Variants in WNT9A observed in about 807,000 individuals in gnomAD.
WNT9A encodes the protein protein Wnt-9a.
Under a neutral mutation model 31.4 loss-of-function variants are expected in WNT9A, and 8 were observed. The observed-to-expected ratio is 0.26, with a 90% CI of 0.15 to 0.46. The LOEUF (loss-of-function observed/expected upper bound fraction) is 0.46, where lower values mean the gene tolerates loss of function less well. Among genes scored for constraint, WNT9A ranks in the 20% least tolerant of loss-of-function variants. The pLI is 0.99. For synonymous variants in WNT9A, 236 were observed against 220.1 expected, an observed-to-expected ratio of 1.07 and a Z score of -0.64; for missense variants, 457 against 522.9, an observed-to-expected ratio of 0.87 and a Z score of 1.23.
chr1:227,921,775 C>T lies in WNT9A; in HGVS notation c.841G>A (p.Asp281Asn), dbSNP rs779996471. ...AGCTCTGGAGTGCGGGGCAGCGGGT[C>T]GCTGCCACCTGCCCCCGAGGCACGG... ...RGRASGAGGS[D>N]PLPRTPELVH... Residue 281 changes from aspartate (D) to asparagine (N), a missense_variant, in exon 4 of 4, where the codon GAC becomes AAC. Coordinates refer to ENST00000272164, the MANE Select transcript of WNT9A (RefSeq NM_003395.4). 1.9e-5 allele frequency: 31 copies of T among 1,612,320 alleles called. No homozygotes were observed. The East Asian group carries it at 2.5e-4, about 13-fold the overall frequency.
chr1:227,936,381 G>A (rs533270162), intron 1 of WNT9A, among the ~76,000 whole-genome samples: 4 of 152,144 alleles, frequency 2.6e-5, no homozygotes, highest in East Asian at 1.9e-4. Flanking sequence ...TAGTAGAGAC[G>A]GGGTTTTGCC....
intron 1 of WNT9A, among the ~76,000 whole-genome samples, chr1:227,935,992 T>C (rs547138350): frequency 1.2e-3 from 189 of 152,180 alleles, no homozygotes; most frequent in Non-Finnish European, 2.3e-3. Flanking sequence ...GACACTGTTT[T>C]ATCAGTCAGC....
In WNT9A at chr1:227,925,354, G is replaced by A; in HGVS notation, c.261C>T (p.Ser87=). Reference sequence around the variant, plus strand: ...GGAACTGGCACTCGAGCGCACTCATGCTCACGGCCTCCACCAGCGTCTCTG... The same window carrying A: ...GGAACTGGCACTCGAGCGCACTCATACTCACGGCCTCCACCAGCGTCTCTG... ...GVAETLVEAV[S]MSALECQFQF... Residue 87 remains serine (S), a synonymous_variant, in exon 2 of 4, where the codon AGC becomes AGT. Coordinates refer to ENST00000272164, the MANE Select transcript of WNT9A (RefSeq NM_003395.4). The surrounding 1 kb of genome is among the most constrained non-coding windows in gnomAD (Gnocchi z 6.0). 6.2e-7 allele frequency: 1 copy of A among 1,611,188 alleles called. No individual in the cohort carries two copies. The highest frequency in any genetic ancestry group is 1.3e-5 in the African/African-American group (1 of 75,020).
intron 3 of WNT9A, among the ~76,000 whole-genome samples, chr1:227,922,903 C>T (rs1053207070): frequency 5.9e-5 from 9 of 152,184 alleles, no homozygotes; most frequent in South Asian, 2.1e-4. Context: ...GCCCGGCAAC[C>T]GAAGAGTCAC....
Position 227,925,360 on chromosome 1 carries a change from G to C in WNT9A, c.255C>G (p.Ala85=). The C allele has an allele frequency of 6.2e-7, 1 of 1,611,262 alleles. No individual in the cohort carries two copies. Reference sequence around the variant, plus strand: ...GGCACTCGAGCGCACTCATGCTCACGGCCTCCACCAGCGTCTCTGCCACGC... The same window carrying C: ...GGCACTCGAGCGCACTCATGCTCACCGCCTCCACCAGCGTCTCTGCCACGC... The part of the protein sequence containing the change: ...DPGVAETLVE[A]VSMSALECQF... The change falls in exon 2 of 4, where the codon GCC becomes GCG. Residue 85 remains alanine, a synonymous_variant. Coordinates refer to ENST00000272164, the MANE Select transcript of WNT9A (RefSeq NM_003395.4). This position sits in a 1 kb window ranked among gnomAD's most constrained non-coding sequence, Gnocchi z 6.0.
rs1666821206 is a variant in WNT9A, at chr1:227,947,841, C to A, written c.47G>T (p.Gly16Val). 9.1e-7 allele frequency: 1 copy of A among 1,093,280 alleles called. No individual in the cohort carries two copies. Among genetic ancestry groups the A allele is most frequent in the Non-Finnish European group, 1.1e-6 (1 of 900,052 alleles). The allele number at this position is 1,093,280 out of a possible 1,614,324, so 67.7% of individuals were successfully genotyped here. The part of the protein sequence containing the change: ...PLARWLAAAF[G>V]LTLLLAALRP... ...CAGCGCGGCGAGCAGCAGCGTCAGC[C>A]CGAAGGCCGCGGCCAGCCAGCGCGC... Residue 16 changes from glycine (G) to valine (V), a missense_variant, in exon 1 of 4, where the codon GGG becomes GTG. Physicochemically the swap from Gly to Val is moderately radical, Grantham distance 109 (BLOSUM62 -3). Transcript: ENST00000272164.
intron 1 of WNT9A, among the ~76,000 whole-genome samples, chr1:227,935,763 A>T (rs1437757574): frequency 6.6e-6 from 1 of 151,818 alleles, no homozygotes; most frequent in Non-Finnish European, 1.5e-5. Flanking sequence ...TTGTTATTCC[A>T]CATATTCCCT....
intron 1 of WNT9A, among the ~76,000 whole-genome samples, chr1:227,927,425 G>C (rs1033422900): frequency 6.6e-6 from 1 of 152,184 alleles, no homozygotes; most frequent in Admixed American, 6.5e-5. Context: ...GTGGGCTGAG[G>C]TTGGAAGAGG....
Position 227,944,788 on chromosome 1 carries a change from G to T in WNT9A, c.95+3005C>A, listed in dbSNP as rs142498120. Among the ~76,000 whole-genome samples the T allele has an allele frequency of 4.3e-3, 650 of 152,254 alleles. 12 individuals carry two copies. The highest frequency in any genetic ancestry group is 0.029 in the East Asian group (152 of 5,174). On this transcript the variant is annotated intron_variant, in intron 1 of 3. Transcript: ENST00000272164. ...CCTGGCCTCCCACCATCGTGCCCCC[G>T]CAAAGTAACCTGCAAATGTTTCCTG...
rs756182153 is a variant in WNT9A at position 227,928,123 on chromosome 1, G to C, written c.96-2604C>G. Among the ~76,000 whole-genome samples the C allele has an allele frequency of 1.3e-5, 2 of 152,096 alleles. No individual in the cohort carries two copies. Among genetic ancestry groups the C allele is most frequent in the African/African-American group, 4.8e-5 (2 of 41,408 alleles). ...GGTCAGTGTGAGGCCCGAGCACGCC[G>C]GGGCACTGAGAGCTGGTTTGACGGT... On this transcript the variant is annotated intron_variant, in intron 1 of 3. Coordinates refer to ENST00000272164, the MANE Select transcript of WNT9A (RefSeq NM_003395.4). This position sits in a 1 kb window ranked among gnomAD's most constrained non-coding sequence, Gnocchi z 4.5.
chr1:227,921,608 T>C lies in WNT9A; in HGVS notation c.1008A>G (p.Thr336=), dbSNP rs770709595. The change falls in exon 4 of 4, where the codon ACA becomes ACG. Residue 336 remains threonine (T), a synonymous_variant. Coordinates refer to ENST00000272164, the MANE Select transcript of WNT9A (RefSeq NM_003395.4). ...RGHNTQSRVV[T]RPCQCQVRWC... ...AACGCACCTGGCACTGGCAGGGCCT[T>C]GTCACCACCCGGCTCTGTGTGTTAT... The C allele has an allele frequency of 1.5e-5, 25 of 1,613,362 alleles. No homozygotes were observed. Among genetic ancestry groups the C allele is most frequent in the Non-Finnish European group, 2.1e-5 (25 of 1,179,998 alleles).
rs755900036 is a variant in WNT9A, at chr1:227,925,373, G to A, written c.242C>T (p.Thr81Met). 2.2e-5 allele frequency: 36 copies of A among 1,611,348 alleles called. No homozygotes were observed. The highest frequency in any genetic ancestry group is 1.3e-4 in the African/African-American group (10 of 74,916). Residue 81 changes from threonine to methionine, a missense_variant, in exon 2 of 4, where the codon ACG becomes ATG. Physicochemically the swap from Thr to Met is moderately conservative, Grantham distance 81. Transcript: ENST00000272164. This position sits in a 1 kb window ranked among gnomAD's most constrained non-coding sequence, Gnocchi z 6.0. ...MCRRDPGVAE[T>M]LVEAVSMSAL... ...ACTCATGCTCACGGCCTCCACCAGCGTCTCTGCCACGCCCGGGTCCCGGCG... is the reference window on the plus strand; with the variant it reads ...ACTCATGCTCACGGCCTCCACCAGCATCTCTGCCACGCCCGGGTCCCGGCG...
Position 227,918,717 on chromosome 1 carries a change from G to T in WNT9A, c.*2801C>A, listed in dbSNP as rs1432296835. Reference sequence around the variant, plus strand: ...GTTTCTGGTTCTGTGACACAAAGCTGTTAAATAAATACATTCTCCACAGTC... The same window carrying T: ...GTTTCTGGTTCTGTGACACAAAGCTTTTAAATAAATACATTCTCCACAGTC... On this transcript the variant is annotated 3_prime_UTR_variant, in exon 4 of 4. Coordinates refer to ENST00000272164, the MANE Select transcript of WNT9A (RefSeq NM_003395.4). The T allele has an allele frequency of 6.6e-6, 1 of 152,272 alleles. No homozygotes were observed. Among genetic ancestry groups the T allele is most frequent in the East Asian group, 1.9e-4 (1 of 5,202 alleles). The allele number at this position is 152,272 out of a possible 1,614,324, so 9.4% of individuals were successfully genotyped here. A position where few individuals can be genotyped will look rare whatever the true frequency, so the allele number is the denominator to read the frequency against.
intron 1 of WNT9A, among the ~76,000 whole-genome samples, chr1:227,946,983 C>T (rs573672415): frequency 2.9e-4 from 44 of 152,320 alleles, no homozygotes; most frequent in Admixed American, 5.2e-4. Context: ...CGCTGCCTCG[C>T]ACGGCGCCAC....
intron 3 of WNT9A, among the ~76,000 whole-genome samples, chr1:227,923,519 GC>G (rs1666361414): frequency 6.6e-6 from 1 of 152,182 alleles, no homozygotes; most frequent in African/African-American, 2.4e-5. Context: ...CACCCCAACA[GC>G]CAGTGGCCCC....
chr1:227,944,188 A>G (rs1666759862), intron 1 of WNT9A, among the ~76,000 whole-genome samples: 2 of 152,206 alleles, frequency 1.3e-5, no homozygotes, highest in South Asian at 2.1e-4. Flanking sequence ...CTTCCAGTCG[A>G]GTCTAACTCA....
At position 227,925,915 on chromosome 1, in the gene WNT9A, A is replaced by T. The variant is rs1383705120; in HGVS notation, c.96-396T>A. 6.6e-6 allele frequency among the ~76,000 whole-genome samples: 1 copy of T among 152,028 alleles called. No homozygotes were observed. Among genetic ancestry groups the T allele is most frequent in the African/African-American group, 2.4e-5 (1 of 41,404 alleles). On this transcript the variant is annotated intron_variant, in intron 1 of 3. Transcript: ENST00000272164. The surrounding 1 kb of genome is among the most constrained non-coding windows in gnomAD (Gnocchi z 6.0). ...GAGCCTGAATCCCAAACTATGCCTGATGGGCGTCTGCCACATCCTCCACCC... is the reference window on the plus strand; with the variant it reads ...GAGCCTGAATCCCAAACTATGCCTGTTGGGCGTCTGCCACATCCTCCACCC...
At chr1:227,922,934 G>C (rs943944205) in intron 3 of WNT9A, among the ~76,000 whole-genome samples, 6 of 152,306 alleles carry the variant, frequency 3.9e-5, no homozygotes, top group African/African-American at 1.4e-4. Flanking sequence ...GCTTTGCAGA[G>C]AAACCCGGAC....
rs1666719458 is a variant in WNT9A at position 227,942,183 on chromosome 1, C to G, written c.95+5610G>C. Among the ~76,000 whole-genome samples the G allele has an allele frequency of 1.3e-5, 2 of 152,146 alleles. No individual in the cohort carries two copies. The highest frequency in any genetic ancestry group is 2.9e-5 in the Non-Finnish European group (2 of 68,002). On this transcript the variant is annotated intron_variant, in intron 1 of 3. Transcript: ENST00000272164. This position sits in a 1 kb window ranked among gnomAD's most constrained non-coding sequence, Gnocchi z 5.7. ...AGCAAGATGAGGCCAGCTGTCTCCC[C>G]AACCAGACGTCCGCCGGCTGTGGAC...
Sources: gnomAD v4.1 joint callset for allele counts (sites outside exome capture counted in the v4.1 genomes callset) on GRCh38, gnomAD v4.1.1 for gene constraint, Gnocchi (gnomAD v3.1) non-coding constraint, MANE v1.5 for transcripts, NCBI Gene and HGNC (gene_info 2026-07-23, HGNC 2026-07-21) for gene names.